The following TTLL7 variants were observed in gnomAD, a reference collection of about 807,000 sequenced individuals.
TTLL7 encodes tubulin polyglutamylase TTLL7.
In TTLL7, 53 loss-of-function variants were observed where a neutral mutation model predicts 120.2. That is an observed-to-expected ratio of 0.44 (90% confidence interval 0.35 to 0.55). TTLL7 has a LOEUF of 0.55. Ranked by LOEUF, TTLL7 falls within the 20% of genes least tolerant of loss-of-function variation. TTLL7 has a pLI of 0.00. For missense variants in TTLL7, 803 were observed against 1,054.7 expected (o/e 0.76, Z 3.31); for synonymous variants, 353 against 351.7 (o/e 1.00, Z -0.04).
chr1:83,892,537 TATGA>T (rs1489007207), intron 18 of TTLL7, among the ~76,000 whole-genome samples: 13 of 145,768 alleles, frequency 8.9e-5, no homozygotes, highest in African/African-American at 1.3e-4. Flanking sequence ...TATATGAACA[TATGA>T]ATGAACATAT....
intron 20 of TTLL7, among the ~76,000 whole-genome samples, chr1:83,882,116 A>T (rs1654552087): frequency 6.7e-6 from 1 of 149,458 alleles, no homozygotes; most frequent in South Asian, 2.2e-4. Context: ...GAGGGATAGC[A>T]TTAGGAGATA....
At chr1:83,963,409 C>A (rs1557749883) in intron 1 of TTLL7, among the ~76,000 whole-genome samples, 1 of 151,450 alleles carries the variant, frequency 6.6e-6, no homozygotes. Flanking sequence ...ATGAAGTCAA[C>A]ATGAAGGAGG....
chr1:83,900,103 C>A, intron 18 of TTLL7: 2 of 412,550 alleles, frequency 4.8e-6, no homozygotes, highest in Non-Finnish European at 9.5e-6. Context: ...ATTTAATCAT[C>A]CCATCAATGT....
At position 83,890,410 on chromosome 1, in the gene TTLL7, T is replaced by C. The variant is rs1233613336; in HGVS notation, c.2280A>G (p.Glu760=). The change falls in exon 19 of 21, where the codon GAA becomes GAG. Residue 760 remains glutamate, a synonymous_variant. Coordinates refer to ENST00000260505, the MANE Select transcript of TTLL7 (RefSeq NM_024686.6). ...GGTTGAAAATCCGATATAAATTTAC[T>C]TCTTCAACATCAGGCACCTTCCAGA... ...PRIWKVPDVE[E]VNLYRIFNRV... The C allele has an allele frequency of 4.3e-6, 7 of 1,613,400 alleles. No individual in the cohort carries two copies. The highest frequency in any genetic ancestry group is 5.9e-6 in the Non-Finnish European group (7 of 1,179,566).
At position 83,986,833 on chromosome 1, in the gene TTLL7, C is replaced by T. The variant is rs534696450; in HGVS notation, c.-177+12098G>A. 3.3e-5 allele frequency among the ~76,000 whole-genome samples: 5 copies of T among 151,944 alleles called. No homozygotes were observed. In the South Asian group the frequency reaches 8.3e-4, roughly 25 times the overall value. The stretch of plus-strand genomic sequence containing the variant: ...CTATCCTGGGCAACAAAGCAAGACT[C>T]CATCTCAAAAAAAAAGAAGAAGAAG... On this transcript the variant is annotated intron_variant, in intron 1 of 20. Transcript: ENST00000260505.
intron 8 of TTLL7, among the ~76,000 whole-genome samples, chr1:83,934,612 T>C (rs888837113): frequency 5.9e-5 from 9 of 152,196 alleles, no homozygotes; most frequent in Non-Finnish European, 1.3e-4. Context: ...TTTTAAAAAG[T>C]TGTTTTACTG....
intron 7 of TTLL7, among the ~76,000 whole-genome samples, chr1:83,940,227 T>A (rs1647823461): frequency 6.6e-6 from 1 of 152,168 alleles, no homozygotes; most frequent in Admixed American, 6.6e-5. Flanking sequence ...GACATTAGAA[T>A]AAAGCACTTT....
At chr1:83,987,577 TTAAA>T (rs1178172843) in intron 1 of TTLL7, among the ~76,000 whole-genome samples, 3 of 152,172 alleles carry the variant, frequency 2.0e-5, no homozygotes, top group African/African-American at 7.2e-5. Context: ...ACTGTGGACT[TTAAA>T]TAAGGAGGAA....
intron 18 of TTLL7, among the ~76,000 whole-genome samples, chr1:83,892,203 T>A (rs992472788): frequency 6.9e-6 from 1 of 145,976 alleles, no homozygotes; most frequent in South Asian, 2.1e-4. Flanking sequence ...ACATTATATA[T>A]ACACATATAT....
intron 9 of TTLL7, among the ~76,000 whole-genome samples, chr1:83,929,889 GACC>G (rs1321935359): frequency 2.0e-5 from 3 of 152,086 alleles, no homozygotes; most frequent in Non-Finnish European, 4.4e-5. Context: ...TTAGCTTCTT[GACC>G]ACCAACTAAT....
intron 1 of TTLL7, among the ~76,000 whole-genome samples, chr1:83,974,940 T>TA (rs929437245): frequency 1.3e-4 from 20 of 152,184 alleles, no homozygotes; most frequent in African/African-American, 4.1e-4. Flanking sequence ...CTCCTGATGA[T>TA]AAAAAATAAC....
chr1:83,969,947 T>C (rs1216759172), intron 1 of TTLL7, among the ~76,000 whole-genome samples: 4 of 152,008 alleles, frequency 2.6e-5, no homozygotes, highest in Non-Finnish European at 4.4e-5. Context: ...TTTAATTTAC[T>C]AAGCCTAAAC....
chr1:83,888,450 G>C (rs1655155095), intron 19 of TTLL7, among the ~76,000 whole-genome samples: 1 of 151,918 alleles, frequency 6.6e-6, no homozygotes, highest in Non-Finnish European at 1.5e-5. Flanking sequence ...TAAAAAGACT[G>C]AGTCTCCAAA....
At chr1:83,917,575 T>C in intron 14 of TTLL7, 29 bp downstream of exon 14, 1 of 1,499,742 alleles carries the variant, frequency 6.7e-7, no homozygotes, top group Non-Finnish European at 9.3e-7. Context: ...TCTACTTTGA[T>C]AAGTAAGGAA....
intron 18 of TTLL7, among the ~76,000 whole-genome samples, chr1:83,892,861 A>AACGCATATGAGAAC: frequency 6.6e-6 from 1 of 151,060 alleles, no homozygotes; most frequent in Non-Finnish European, 1.5e-5. Context: ...TATATATATG[A>AACGCATATGAGAAC]ATATATATAA....
chr1:83,945,782 C>T (rs1320319009), intron 6 of TTLL7, among the ~76,000 whole-genome samples: 4 of 151,552 alleles, frequency 2.6e-5, no homozygotes, highest in Admixed American at 2.6e-4. Flanking sequence ...AAATTTTTAA[C>T]ATTAAAATTG....
intron 20 of TTLL7, among the ~76,000 whole-genome samples, chr1:83,878,434 C>G (rs1300437798): frequency 6.6e-6 from 1 of 151,970 alleles, no homozygotes; most frequent in South Asian, 2.1e-4. Flanking sequence ...GCTTTGCAAA[C>G]CATCCCGAGC....
At chr1:83,876,097 T>C (rs955396742) in intron 20 of TTLL7, among the ~76,000 whole-genome samples, 8 of 151,926 alleles carry the variant, frequency 5.3e-5, no homozygotes, top group Non-Finnish European at 8.8e-5. Flanking sequence ...TTTTCATTTA[T>C]GGTGTAGGTA....
At chr1:83,956,734 C>T (rs1649561373) in intron 1 of TTLL7, among the ~76,000 whole-genome samples, 1 of 152,124 alleles carries the variant, frequency 6.6e-6, no homozygotes, top group Admixed American at 6.6e-5. Flanking sequence ...CCAGCCCTAA[C>T]CCACATTTTT....
Sources: allele counts gnomAD v4.1 joint callset (sites outside exome capture counted in the v4.1 genomes callset), GRCh38; gene constraint gnomAD v4.1.1; transcripts MANE v1.5; gene names NCBI Gene and HGNC (gene_info 2026-07-23, HGNC 2026-07-21).